The following APEH variants were observed in gnomAD, a reference collection of about 807,000 sequenced individuals.
APEH encodes acylamino-acid-releasing enzyme.
Under a neutral mutation model 102.7 loss-of-function variants are expected in APEH, and 75 were observed. That is an observed-to-expected ratio of 0.73 (90% CI 0.61 to 0.89). The LOEUF (loss-of-function observed/expected upper bound fraction) is 0.89. Ranked by LOEUF, APEH falls within the 40% of genes least tolerant of loss-of-function variation. The pLI is 0.00. For missense variants in APEH, 863 were observed against 941.2 expected, an observed-to-expected ratio of 0.92 and a Z score of 1.09; for synonymous variants, 344 against 362.7, an observed-to-expected ratio of 0.95 and a Z score of 0.59.
intron 11 of APEH, 46 bp downstream of exon 11, chr3:49,677,679 G>C (rs761463018): frequency 6.5e-7 from 1 of 1,537,684 alleles, no homozygotes; most frequent in Non-Finnish European, 9.0e-7. Context: ...CTGTAGCTCT[G>C]CTTTCCTGCC....
chr3:49,678,966 G>A lies in APEH; in HGVS notation c.1158+17G>A, dbSNP rs1449122849. On this transcript the variant is annotated intron_variant, in intron 12 of 21. Transcript: ENST00000296456. The stretch of plus-strand genomic sequence containing the variant: ...AGCCGGCAGGTGAGGGACGCTGATT[G>A]TGTTGAGGGGCAGCCCCTGTGGTCA... The A allele has an allele frequency of 3.7e-6, 6 of 1,605,596 alleles. No individual in the cohort carries two copies. The highest frequency in any genetic ancestry group is 5.1e-6 in the Non-Finnish European group (6 of 1,173,586).
intron 14 of APEH, among the ~76,000 whole-genome samples, chr3:49,680,867 G>T (rs918518554): frequency 1.3e-5 from 2 of 152,252 alleles, no homozygotes; most frequent in Non-Finnish European, 2.9e-5. Context: ...TGGTATTACA[G>T]AGCAAAGGAG....
intron 15 of APEH, 92 bp downstream of exon 15, chr3:49,681,331 TGG>T (rs1259369369): frequency 7.3e-7 from 1 of 1,364,834 alleles, no homozygotes; most frequent in Non-Finnish European, 9.6e-7. Context: ...TCTCACATTG[TGG>T]GGTTTCTGGT....
chr3:49,681,598 T>C (rs980613533), intron 15 of APEH, 124 bp from the exon 16 acceptor site: 28 of 852,482 alleles, frequency 3.3e-5, no homozygotes, highest in Non-Finnish European at 4.4e-5. Flanking sequence ...CCATGTGTCA[T>C]GGTGTGGACT....
intron 13 of APEH, 135 bp from the exon 14 acceptor site, chr3:49,680,406 T>A: frequency 1.4e-6 from 1 of 716,314 alleles, no homozygotes; most frequent in Non-Finnish European, 2.4e-6. Context: ...TGCAGTTGGG[T>A]GTTTGTGAAA....
rs143712075 is a variant in APEH at position 49,683,135 on chromosome 3, T to C, written c.2082T>C (p.Asn694=). 29 of 1,613,994 alleles carry C rather than the reference T, an allele frequency of 1.8e-5. No homozygotes were observed. The highest frequency in any genetic ancestry group is 2.5e-5 in the Non-Finnish European group (29 of 1,180,026). Residue 694 remains asparagine (N), a synonymous_variant, in exon 21 of 22, where the codon AAT becomes AAC. Transcript: ENST00000296456. ...ATTACCGTGCCCTCAAGACCCGGAA[T>C]GTGCCTGTTCGGTGAGTGCAGCATG... ...MEYYRALKTR[N]VPVRLLLYPK...
rs749256808 is a variant in APEH at position 49,677,021 on chromosome 3, C to T, written c.996C>T (p.Cys332=). Reference sequence around the variant, plus strand: ...CCCATCACCAATGCAGCCAGCTGTGCCTGGTGAGCTGGAGGTGGCAGGGAT... The same window carrying T: ...CCCATCACCAATGCAGCCAGCTGTGTCTGGTGAGCTGGAGGTGGCAGGGAT... ...LIPHHQCSQL[C]LYDWYTKVTS... is the part of the protein sequence containing the mutation. The change falls in exon 10 of 22, where the codon TGC becomes TGT. Residue 332 remains cysteine, a synonymous_variant. Coordinates refer to ENST00000296456, the MANE Select transcript of APEH (RefSeq NM_001640.4). 6.2e-7 allele frequency: 1 copy of T among 1,613,932 alleles called. No individual in the cohort carries two copies. Among genetic ancestry groups the T allele is most frequent in the Non-Finnish European group, 8.5e-7 (1 of 1,180,018 alleles).
intron 10 of APEH, 30 bp from the exon 11 acceptor site, chr3:49,677,543 A>G (rs1575470062): frequency 6.2e-7 from 1 of 1,600,198 alleles, no homozygotes; most frequent in Non-Finnish European, 8.6e-7. Flanking sequence ...CCTGTCCCCT[A>G]CTGGACCTGA....
chr3:49,676,377 G>C lies in APEH; in HGVS notation c.607-1G>C, dbSNP rs950643800. ...GGGCATTGAGTATCTTGTGTTCTCA[G>C]GGGGATCAGTTTGTGTTTTATGAAG... On this transcript the variant is annotated splice_acceptor_variant, in intron 6 of 21. Transcript: ENST00000296456. LOFTEE classifies it high-confidence loss of function. The C allele has an allele frequency of 6.2e-7, 1 of 1,614,052 alleles. No individual in the cohort carries two copies. The highest frequency in any genetic ancestry group is 8.5e-7 in the Non-Finnish European group (1 of 1,180,052).
chr3:49,679,480 C>A lies in APEH; in HGVS notation c.1159-113C>A. The A allele has an allele frequency of 1.8e-6, 2 of 1,116,018 alleles. No individual in the cohort carries two copies. Among genetic ancestry groups the A allele is most frequent in the Non-Finnish European group, 2.7e-6 (2 of 743,296 alleles). 69.1% of individuals were successfully genotyped at this position (1,116,018 alleles called of 1,614,324 possible). A position where few individuals can be genotyped will look rare whatever the true frequency, so the allele number is the denominator to read the frequency against. On this transcript the variant is annotated intron_variant, in intron 12 of 21. Transcript: ENST00000296456. The surrounding 1 kb of genome is among the most constrained non-coding windows in gnomAD (Gnocchi z 4.3). ...TAACCATCACCATAGCTGTCCACAG[C>A]CTTGGTCTGGCCAGGGCTCTCCAAG...
rs1220486285 is a variant in APEH, at chr3:49,680,527, T to C, written c.1211-14T>C. ...GGCTCCTGCTAAGCACTTAATGGCA[T>C]CTGCCTTTTCCAGGAGGGTCAGGTG... is the stretch of plus-strand genomic sequence containing the variant. On this transcript the variant is annotated splice_polypyrimidine_tract_variant and intron_variant, in intron 13 of 21. Transcript: ENST00000296456. 7.4e-6 allele frequency: 12 copies of C among 1,612,806 alleles called. No individual in the cohort carries two copies. Among genetic ancestry groups the C allele is most frequent in the South Asian group, 1.1e-5 (1 of 91,056 alleles).
At chr3:49,678,544 C>T (rs574397927) in intron 11 of APEH, among the ~76,000 whole-genome samples, 2 of 152,300 alleles carry the variant, frequency 1.3e-5, no homozygotes, top group South Asian at 2.1e-4. Context: ...CTGGTACCTA[C>T]CTGGGTTCAA....
rs2053216520 is a variant in APEH at position 49,679,347 on chromosome 3, C to T, written c.1159-246C>T. Among the ~76,000 whole-genome samples the T allele has an allele frequency of 6.6e-6, 1 of 152,204 alleles. No individual in the cohort carries two copies. The highest frequency in any genetic ancestry group is 1.5e-5 in the Non-Finnish European group (1 of 68,036). ...GTGTGATATTTGGTCCTTGTGCCAA[C>T]TCAAAGGGGCTCAAAGCCATTCCTT... On this transcript the variant is annotated intron_variant, in intron 12 of 21. Coordinates refer to ENST00000296456, the MANE Select transcript of APEH (RefSeq NM_001640.4). The surrounding 1 kb of genome is among the most constrained non-coding windows in gnomAD (Gnocchi z 4.3).
rs1242659288 is a variant in APEH at position 49,682,675 on chromosome 3, G to A, written c.1822G>A (p.Val608Met). 13 of 1,613,976 alleles carry A rather than the reference G, an allele frequency of 8.1e-6. No individual in the cohort carries two copies. The highest frequency in any genetic ancestry group is 7.7e-5 in the South Asian group (7 of 91,084). The change falls in exon 19 of 22, where the codon GTG becomes ATG. Residue 608 changes from valine to methionine, a missense_variant. Coordinates refer to ENST00000296456, the MANE Select transcript of APEH (RefSeq NM_001640.4). The part of the protein sequence containing the change: ...GQYPETYRAC[V>M]ARNPVINIAS... ...GTACCCAGAGACCTACAGGGCCTGC[G>A]TGGCCCGGAACCCCGTGATCAACAT...
At position 49,682,939 on chromosome 3, in the gene APEH, C is replaced by A; in HGVS notation, c.1980C>A (p.Ile660=). The A allele has an allele frequency of 3.1e-6, 5 of 1,613,786 alleles. No individual in the cohort carries two copies. Among genetic ancestry groups the A allele is most frequent in the Non-Finnish European group, 4.2e-6 (5 of 1,179,908 alleles). ...EMLDKSPIRY[I]PQVKTPLLLM... is the part of the protein sequence containing the mutation. ...TGGACAAATCGCCCATCAGATACAT[C>A]CCTCAGGTATGCAGCCCCCTCCTTG... Residue 660 remains isoleucine (I), a synonymous_variant, in exon 20 of 22, where the codon ATC becomes ATA. Transcript: ENST00000296456.
rs1431571380 is a variant in APEH, at chr3:49,683,468, T to C, written c.*126T>C. ...CTCCACGGATGCGTGGGCAGAGGAA[T>C]GTGGGCTATGTAGTCATAATAAATT... On this transcript the variant is annotated 3_prime_UTR_variant, in exon 22 of 22. Coordinates refer to ENST00000296456, the MANE Select transcript of APEH (RefSeq NM_001640.4). 6 of 773,354 alleles carry C rather than the reference T, an allele frequency of 7.8e-6. No homozygotes were observed. Among genetic ancestry groups the C allele is most frequent in the African/African-American group, 1.7e-5 (1 of 57,964 alleles). The allele number at this position is 773,354 out of a possible 1,614,324, so 47.9% of individuals were successfully genotyped here.
Position 49,683,323 on chromosome 3 carries a change from G to T in APEH, c.2180G>T (p.Arg727Leu). ...TTCATGAATGCTGTGCTCTGGCTAC[G>T]CACACACTTGGGCAGCTGAAGCCCT... ...DSFMNAVLWL[R>L]THLGS Residue 727 changes from arginine to leucine, a missense_variant, in exon 22 of 22, where the codon CGC becomes CTC. By Grantham distance (102) the Arg-to-Leu change is moderately radical. Transcript: ENST00000296456. The T allele has an allele frequency of 1.2e-6, 2 of 1,613,318 alleles. No homozygotes were observed. Among genetic ancestry groups the T allele is most frequent in the Non-Finnish European group, 8.5e-7 (1 of 1,179,508 alleles).
At chr3:49,673,148 C>T (rs1046535743), upstream of APEH, among the ~76,000 whole-genome samples, 3 of 116,818 alleles carry the variant, frequency 2.6e-5, no homozygotes, top group East Asian at 3.0e-4. Context: ...AGTAATGATG[C>T]GGCTGATGGG....
At chr3:49,675,646 A>G (rs2108116172) in intron 3 of APEH, 48 bp from the exon 4 acceptor site, 1 of 1,527,852 alleles carries the variant, frequency 6.5e-7, no homozygotes, top group South Asian at 1.1e-5. Flanking sequence ...GGGAGCAGGA[A>G]GGGGTTATTG....
Sources: gnomAD v4.1 joint callset for allele counts (sites outside exome capture counted in the v4.1 genomes callset) on GRCh38, gnomAD v4.1.1 for gene constraint, Gnocchi (gnomAD v3.1) non-coding constraint, MANE v1.5 for transcripts, NCBI Gene and HGNC (gene_info 2026-07-23, HGNC 2026-07-21) for gene names.